DTWD2: variants seen among roughly 807,000 people sequenced by gnomAD.
DTWD2 encodes DTW motif tRNA-uridine aminocarboxypropyltransferase 2.
In DTWD2, 39 loss-of-function variants were observed where a neutral mutation model predicts 31.8. That is an observed-to-expected ratio of 1.22 (90% CI 0.95 to 1.60). The LOEUF (loss-of-function observed/expected upper bound fraction) is 1.60, where lower values mean the gene tolerates loss of function less well. Among genes scored for constraint, DTWD2 ranks in the 40% most tolerant of loss-of-function variants. The pLI is 0.00. For missense variants in DTWD2, 515 were observed against 381.5 expected, an observed-to-expected ratio of 1.35 and a Z score of -2.92; for synonymous variants, 180 against 142.8, an observed-to-expected ratio of 1.26 and a Z score of -1.86.
intron 4 of DTWD2, among the ~76,000 whole-genome samples, chr5:118,850,477 CAAAAAAAAAAAAA>C (rs34808087): frequency 0.018 from 539 of 30,538 alleles, 5 homozygotes; most frequent in East Asian, 0.14. Context: ...GACCCCACCA[CAAAAAAAAAAAAA>C]AAAAAAAAAA....
At chr5:118,974,955 C>T (rs956447135) in intron 1 of DTWD2, among the ~76,000 whole-genome samples, 2 of 152,194 alleles carry the variant, frequency 1.3e-5, no homozygotes, top group Non-Finnish European at 2.9e-5. Flanking sequence ...CTGCCCTTAA[C>T]ATTTTTTCCT....
In DTWD2 at chr5:118,920,016, A is replaced by G. The variant is rs576149950; in HGVS notation, c.597+8521T>C. On this transcript the variant is annotated intron_variant, in intron 4 of 5. Coordinates refer to ENST00000510708, the MANE Select transcript of DTWD2 (RefSeq NM_173666.4). ...ACAGTGTAATAAAAATAAAAAAAAA[A>G]AGTGCACATTAAATGTAACATGCTT... 2.6e-5 allele frequency among the ~76,000 whole-genome samples: 4 copies of G among 152,186 alleles called. No individual in the cohort carries two copies. In the South Asian group the frequency reaches 6.2e-4, roughly 24 times the overall value.
At chr5:118,934,556 C>T (rs183900299) in intron 3 of DTWD2, among the ~76,000 whole-genome samples, 1 of 151,918 alleles carries the variant, frequency 6.6e-6, no homozygotes, top group Non-Finnish European at 1.5e-5. Flanking sequence ...AATCCAAAGA[C>T]TAACCACAAA....
intron 4 of DTWD2, among the ~76,000 whole-genome samples, chr5:118,873,438 A>T (rs1752551709): frequency 6.6e-6 from 1 of 152,108 alleles, no homozygotes; most frequent in East Asian, 1.9e-4. Context: ...GCACAGACAG[A>T]CTGTGCCTGT....
intron 1 of DTWD2, among the ~76,000 whole-genome samples, chr5:118,985,565 T>G (rs1369736908): frequency 6.8e-6 from 1 of 147,896 alleles, no homozygotes; most frequent in Non-Finnish European, 1.5e-5. Flanking sequence ...ACACTTTATT[T>G]CCTAACAAAA....
In DTWD2 at chr5:118,911,018, T is replaced by C. The variant is rs1292011663; in HGVS notation, c.597+17519A>G. 3.3e-5 allele frequency among the ~76,000 whole-genome samples: 5 copies of C among 152,296 alleles called. No homozygotes were observed. The East Asian group carries it at 9.6e-4, about 29-fold the overall frequency. On this transcript the variant is annotated intron_variant, in intron 4 of 5. Transcript: ENST00000510708. ...AATACCATCACCTTCGGGGGTTAGGTTTCAAATAAAAATTTTGAAGAGACA... is the reference window on the plus strand; with the variant it reads ...AATACCATCACCTTCGGGGGTTAGGCTTCAAATAAAAATTTTGAAGAGACA...
intron 1 of DTWD2, among the ~76,000 whole-genome samples, chr5:118,950,112 A>AGG (rs1310581727): frequency 7.1e-6 from 1 of 140,104 alleles, no homozygotes. Context: ...CAGGAGGTTG[A>AGG]GGTGGGAGAA....
rs77980374 is a variant in DTWD2, at chr5:118,947,855, A to G, written c.219-3206T>C. ...TAACTTTTATCTGTAAAACTTAGTT[A>G]AAAAGGGCAGTTCAAATAAGTTGAT... is the stretch of plus-strand genomic sequence containing the variant. On this transcript the variant is annotated intron_variant, in intron 1 of 5. Coordinates refer to ENST00000510708, the MANE Select transcript of DTWD2 (RefSeq NM_173666.4). Among the ~76,000 whole-genome samples, 43 of 152,306 alleles carry G rather than the reference A, an allele frequency of 2.8e-4. 1 individual carries two copies. In the South Asian group the frequency reaches 6.4e-3, roughly 23 times the overall value.
chr5:118,975,826 G>C (rs1240913128), intron 1 of DTWD2, among the ~76,000 whole-genome samples: 1 of 152,146 alleles, frequency 6.6e-6, no homozygotes, highest in Non-Finnish European at 1.5e-5. Flanking sequence ...CTTGAACTCA[G>C]CTCTGGACCA....
intron 1 of DTWD2, among the ~76,000 whole-genome samples, chr5:118,981,407 T>C (rs1346546485): frequency 6.6e-6 from 1 of 152,200 alleles, no homozygotes; most frequent in Non-Finnish European, 1.5e-5. Flanking sequence ...ATAACTTGTC[T>C]ACATAAACAG....
rs79853951 is a variant in DTWD2 at position 118,840,503 on chromosome 5, A to T, written c.*414T>A. The T allele has an allele frequency of 0.032, 4,810 of 152,524 alleles. 259 individuals are homozygous for T. The highest frequency in any genetic ancestry group is 0.11 in the African/African-American group (4,525 of 41,568). The allele number at this position is 152,524 out of a possible 1,614,324, so 9.4% of individuals were successfully genotyped here. A position where few individuals can be genotyped will look rare whatever the true frequency, so the allele number is the denominator to read the frequency against. ...GCTACTTATTTCAAACTGTAAAGTC[A>T]GGACTGCAAACTGATGTAGGAATCT... On this transcript the variant is annotated 3_prime_UTR_variant, in exon 6 of 6. Transcript: ENST00000510708.
chr5:118,905,480 A>T (rs897408151), intron 4 of DTWD2, among the ~76,000 whole-genome samples: 1 of 152,160 alleles, frequency 6.6e-6, no homozygotes, highest in Non-Finnish European at 1.5e-5. Flanking sequence ...GAAGCTGTGT[A>T]TAAAGTTATA....
At chr5:118,939,548 A>T (rs1756662857) in intron 2 of DTWD2, among the ~76,000 whole-genome samples, 1 of 152,154 alleles carries the variant, frequency 6.6e-6, no homozygotes, top group African/African-American at 2.4e-5. Context: ...ATATATAATG[A>T]TTAAGATTAT....
At chr5:118,907,344 T>C (rs1017810777) in intron 4 of DTWD2, among the ~76,000 whole-genome samples, 1 of 152,076 alleles carries the variant, frequency 6.6e-6, no homozygotes, top group Non-Finnish European at 1.5e-5. Context: ...TTAGGATATA[T>C]ATAGAGAGAG....
At chr5:118,880,113 C>A (rs1324864470) in intron 4 of DTWD2, among the ~76,000 whole-genome samples, 1 of 152,162 alleles carries the variant, frequency 6.6e-6, no homozygotes, top group African/African-American at 2.4e-5. Flanking sequence ...TTTAAAGTTG[C>A]ACTAGTGCTC....
chr5:118,911,064 C>G (rs1406695875), intron 4 of DTWD2, among the ~76,000 whole-genome samples: 1 of 152,058 alleles, frequency 6.6e-6, no homozygotes, highest in African/African-American at 2.4e-5. Flanking sequence ...AGCACAGCAC[C>G]ATATATCTGA....
chr5:118,856,844 C>A (rs1205974376), intron 4 of DTWD2, among the ~76,000 whole-genome samples: 2 of 137,984 alleles, frequency 1.4e-5, no homozygotes, highest in Non-Finnish European at 3.0e-5. Context: ...GCAATCTCAG[C>A]TCACTGCAAC....
At chr5:118,956,039 T>C (rs149770164) in intron 1 of DTWD2, among the ~76,000 whole-genome samples, 2 of 152,348 alleles carry the variant, frequency 1.3e-5, no homozygotes, top group East Asian at 3.9e-4. Flanking sequence ...ACCAATGTTA[T>C]TGTCTTGCTA....
chr5:118,918,063 C>T (rs1167477480), intron 4 of DTWD2, among the ~76,000 whole-genome samples: 1 of 152,166 alleles, frequency 6.6e-6, no homozygotes, highest in East Asian at 1.9e-4. Flanking sequence ...AGGTCCCACC[C>T]CCAACACATG....
Sources: gnomAD v4.1 joint callset for allele counts (sites outside exome capture counted in the v4.1 genomes callset) on GRCh38, gnomAD v4.1.1 for gene constraint, MANE v1.5 for transcripts, NCBI Gene and HGNC (gene_info 2026-07-23, HGNC 2026-07-21) for gene names.